Variants in LARGE2 observed in about 807,000 individuals in gnomAD.
The protein encoded by LARGE2 is LARGE xylosyl- and glucuronyltransferase 2, also known as xylosyl- and glucuronyltransferase LARGE2.
Under a neutral mutation model 75.3 loss-of-function variants are expected in LARGE2, and 63 were observed. The ratio of observed to expected loss-of-function variants is 0.84; its 90% confidence interval spans 0.68 to 1.03. The LOEUF (loss-of-function observed/expected upper bound fraction) is 1.03, where lower values mean the gene tolerates loss of function less well. Ranked by LOEUF, LARGE2 falls within the 50% of genes least tolerant of loss-of-function variation. The probability of loss-of-function intolerance (pLI) is 0.00; values close to 1 mark genes in which losing one functional copy is unlikely to be tolerated. For synonymous variants in LARGE2, 428 were observed against 420.1 expected (o/e 1.02, Z -0.23); for missense variants, 925 against 980.6 (o/e 0.94, Z 0.76).
chr11:45,928,279 C>A lies in LARGE2; in HGVS notation c.1857C>A (p.Tyr619Ter). ...AATGGGCGGCCAACTATGAACCCTACGTGGTGGTGCCACGAGACTGTCCCC... is the reference window on the plus strand; with the variant it reads ...AATGGGCGGCCAACTATGAACCCTAAGTGGTGGTGCCACGAGACTGTCCCC... ...RVQWAANYEP[Y>*]VVVPRDCPRY... Residue 619 changes from tyrosine (Y) to a stop codon, truncating the protein, a stop_gained, in exon 13 of 14, where the codon TAC becomes TAA. Transcript: ENST00000401752. LOFTEE classifies it high-confidence loss of function. 1 of 1,614,100 alleles carries A rather than the reference C, an allele frequency of 6.2e-7. No individual in the cohort carries two copies. The highest frequency in any genetic ancestry group is 1.1e-5 in the South Asian group (1 of 91,086).
In LARGE2 at chr11:45,926,521, T is replaced by C. The variant is rs1565094232; in HGVS notation, c.1088T>C (p.Phe363Ser). ...TTCTTCCGCAATTTCTACCTGACCT[T>C]CCTGGAGTACGATGGGAACCTGCTG... is the stretch of plus-strand genomic sequence containing the variant. ...VEFFRNFYLT[F>S]LEYDGNLLRR... Residue 363 changes from phenylalanine to serine, a missense_variant, in exon 9 of 14, where the codon TTC (phenylalanine) becomes TCC (serine). By Grantham distance (155) the Phe-to-Ser change is radical. Transcript: ENST00000401752. The C allele has an allele frequency of 3.7e-6, 6 of 1,614,114 alleles. No homozygotes were observed. Among genetic ancestry groups the C allele is most frequent in the Non-Finnish European group, 5.1e-6 (6 of 1,180,018 alleles).
At chr11:45,924,410 G>T in intron 4 of LARGE2, 96 bp from the exon 5 acceptor site, 3 of 1,561,726 alleles carry the variant, frequency 1.9e-6, no homozygotes, top group Non-Finnish European at 2.6e-6. Flanking sequence ...TCTCTTTTGG[G>T]GGTTTACCCC....
At position 45,925,604 on chromosome 11, in the gene LARGE2, C is replaced by T. The variant is rs186501425; in HGVS notation, c.770-435C>T. On this transcript the variant is annotated intron_variant, in intron 6 of 13. Coordinates refer to ENST00000401752, the MANE Select transcript of LARGE2 (RefSeq NM_001300721.2). Reference sequence around the variant, plus strand: ...CCAGGAAGCAGAGGTTGCAGTGAGCCGAGTTCACACCACTGTACTCCAGCC... The same window carrying T: ...CCAGGAAGCAGAGGTTGCAGTGAGCTGAGTTCACACCACTGTACTCCAGCC... 1.3e-5 allele frequency among the ~76,000 whole-genome samples: 2 copies of T among 152,092 alleles called. 1 individual carries two copies. Among genetic ancestry groups the T allele is most frequent in the East Asian group, 3.9e-4 (2 of 5,178 alleles).
chr11:45,926,967 T>C, intron 10 of LARGE2, 96 bp downstream of exon 10: 1 of 1,254,192 alleles, frequency 8.0e-7, no homozygotes, highest in Non-Finnish European at 1.1e-6. Context: ...GCTGTGGTAG[T>C]GAGCTACCTG....
At position 45,926,291 on chromosome 11, in the gene LARGE2, CA is replaced by C; in HGVS notation, c.953del (p.Gln318ArgfsTer20). 6.2e-7 allele frequency: 1 copy of C among 1,614,202 alleles called. No homozygotes were observed. The highest frequency in any genetic ancestry group is 8.5e-7 in the Non-Finnish European group (1 of 1,180,042). ...VQRLPCVWNVQLSDHTLAERC... is the reference protein window; with the variant it reads ...VQRLPCVWNVXLSDHTLAERC... ...GCGTCTGCCTTGTGTCTGGAATGTG[CA>C]GCTGTCAGATCACACACTGGCCGAG... On this transcript the variant is annotated frameshift_variant, in exon 8 of 14. Transcript: ENST00000401752. LOFTEE classifies it high-confidence loss of function.
Position 45,928,712 on chromosome 11 carries a change from C to CCAGCCCCACCTA in LARGE2, c.2034_2045dup (p.Ser679_Tyr682dup), listed in dbSNP as rs745971225. 1.5e-5 allele frequency: 25 copies of CCAGCCCCACCTA among 1,614,050 alleles called. 1 individual carries two copies. The South Asian group carries it at 2.7e-4, about 18-fold the overall frequency. On this transcript the variant is annotated inframe_insertion, in exon 14 of 14. Transcript: ENST00000401752. ...AGCCTGGACATCTCCCGCTTCCGCT[C>CCAGCCCCACCTA]CAGCCCCACCTATCGTGACTGCCTC...
upstream of LARGE2, chr11:45,921,766 A>G (rs1282758553): frequency 1.3e-5 from 2 of 152,208 alleles, no homozygotes; most frequent in Non-Finnish European, 2.9e-5. Flanking sequence ...AGCCTGGGGA[A>G]CGGAGTGGGG....
Position 45,922,964 on chromosome 11 carries a change from G to C in LARGE2, c.82G>C (p.Gly28Arg). Residue 28 changes from glycine to arginine, a missense_variant, in exon 2 of 14, where the codon GGT (glycine) becomes CGT (arginine). Physicochemically the swap from Gly to Arg is moderately radical, Grantham distance 125. Transcript: ENST00000401752. The part of the protein sequence containing the change: ...LLLLLGFLLF[G>R]GDLGCERREP... ...GCTGCTGCTCGGATTCCTCCTGTTC[G>C]GTGGGGACCTGGGGTGTGAGCGCCG... The C allele has an allele frequency of 7.6e-7, 1 of 1,313,286 alleles. No individual in the cohort carries two copies. The highest frequency in any genetic ancestry group is 2.2e-5 in the South Asian group (1 of 44,928). The allele number at this position is 1,313,286 out of a possible 1,614,324, so 81.4% of individuals were successfully genotyped here.
rs146766397 is a variant in LARGE2, at chr11:45,923,475, C to T, written c.288C>T (p.Leu96=). 1.9e-5 allele frequency: 31 copies of T among 1,613,506 alleles called. No individual in the cohort carries two copies. Among genetic ancestry groups the T allele is most frequent in the Non-Finnish European group, 2.6e-5 (31 of 1,179,966 alleles). ...PQPPPPPKCE[L]LHVAIVCAGH... is the part of the protein sequence containing the mutation. Reference sequence around the variant, plus strand: ...CCGACCTGGGCGTCCCTCCCCAGCTCTTGCATGTGGCCATCGTGTGTGCGG... The same window carrying T: ...CCGACCTGGGCGTCCCTCCCCAGCTTTTGCATGTGGCCATCGTGTGTGCGG... The change falls in exon 3 of 14, where the codon CTC becomes CTT. Residue 96 remains leucine, a splice_region_variant and synonymous_variant. Coordinates refer to ENST00000401752, the MANE Select transcript of LARGE2 (RefSeq NM_001300721.2).
chr11:45,923,381 C>G (rs1247426183), intron 2 of LARGE2, 92 bp from the exon 3 acceptor site: 10 of 1,329,534 alleles, frequency 7.5e-6, no homozygotes, highest in Middle Eastern at 2.5e-4. Flanking sequence ...CACACTGTTC[C>G]GGGCTCTGCT....
chr11:45,925,948 A>G (rs2087122586), intron 6 of LARGE2, 91 bp from the exon 7 acceptor site: 2 of 1,044,394 alleles, frequency 1.9e-6, no homozygotes, highest in African/African-American at 1.6e-5. Flanking sequence ...GAAAATACCA[A>G]TGTCAAAAAA....
Position 45,922,973 on chromosome 11 carries a change from C to T in LARGE2, c.91C>T (p.Leu31=), listed in dbSNP as rs1227411657. ...LLGFLLFGGD[L]GCERREPGGR... ...CGGATTCCTCCTGTTCGGTGGGGAC[C>T]TGGGGTGTGAGCGCCGCGAGCCTGG... is the stretch of plus-strand genomic sequence containing the variant. Residue 31 remains leucine (L), a synonymous_variant, in exon 2 of 14, where the codon CTG becomes TTG. Transcript: ENST00000401752. 3 of 1,328,020 alleles carry T rather than the reference C, an allele frequency of 2.3e-6. No individual in the cohort carries two copies. Among genetic ancestry groups the T allele is most frequent in the Non-Finnish European group, 2.9e-6 (3 of 1,045,330 alleles). The allele number at this position is 1,328,020 out of a possible 1,614,324, so 82.3% of individuals were successfully genotyped here.
chr11:45,923,960 T>G (rs2087030778), intron 3 of LARGE2, among the ~76,000 whole-genome samples, 194 bp from the exon 4 acceptor site: 1 of 115,148 alleles, frequency 8.7e-6, no homozygotes. Context: ...CACTCCAGCC[T>G]GGGCGACAGA....
At position 45,928,185 on chromosome 11, in the gene LARGE2, A is replaced by C. The variant is rs572017739; in HGVS notation, c.1763A>C (p.Glu588Ala). 2 of 1,613,570 alleles carry C rather than the reference A, an allele frequency of 1.2e-6. No homozygotes were observed. Among genetic ancestry groups the C allele is most frequent in the East Asian group, 4.5e-5 (2 of 44,880 alleles). Residue 588 changes from glutamate (E) to alanine (A), a missense_variant, in exon 13 of 14, where the codon GAG becomes GCG. Coordinates refer to ENST00000401752, the MANE Select transcript of LARGE2 (RefSeq NM_001300721.2). ...CCGACCCTGCTGCACAGGTACCACG[A>C]GTGGCCCCGAGGCCACGCACCCACA... ...AGTLYTFRYHEWPRGHAPTDY... is the reference protein window; with the variant it reads ...AGTLYTFRYHAWPRGHAPTDY...
At position 45,926,002 on chromosome 11, in the gene LARGE2, G is replaced by A. The variant is rs370577360; in HGVS notation, c.770-37G>A. On this transcript the variant is annotated intron_variant, in intron 6 of 13. Transcript: ENST00000401752. ...CCCCCATGTCCCCCAGGAGCTGGTCGTCCCAGGTGGGCATGACAGCATCTC... is the reference window on the plus strand; with the variant it reads ...CCCCCATGTCCCCCAGGAGCTGGTCATCCCAGGTGGGCATGACAGCATCTC... 5.2e-5 allele frequency: 80 copies of A among 1,526,428 alleles called. No homozygotes were observed. In the East Asian group the frequency reaches 5.9e-4, roughly 11 times the overall value. The allele number at this position is 1,526,428 out of a possible 1,614,324, so 94.6% of individuals were successfully genotyped here.
rs1421741060 is a variant in LARGE2, at chr11:45,928,666, A to G, written c.1987A>G (p.Ile663Val). Residue 663 changes from isoleucine to valine, a missense_variant, in exon 14 of 14, where the codon ATC (isoleucine) becomes GTC (valine). This residue lies in a region of LARGE2 where 469 missense variants were observed against 503.8 expected (regional missense o/e 0.93). Coordinates refer to ENST00000401752, the MANE Select transcript of LARGE2 (RefSeq NM_001300721.2). ...ELLVLPEAFT[I>V]HLPHAPSLDI... ...CCTGGTGCTGCCCGAGGCCTTCACCATCCATCTGCCCCACGCTCCAAGCCT... is the reference window on the plus strand; with the variant it reads ...CCTGGTGCTGCCCGAGGCCTTCACCGTCCATCTGCCCCACGCTCCAAGCCT... The G allele has an allele frequency of 1.9e-6, 3 of 1,613,882 alleles. No individual in the cohort carries two copies. The African/African-American group carries it at 4.0e-5, about 22-fold the overall frequency.
At chr11:45,922,027 G>A (rs1035763249), upstream of LARGE2, among the ~76,000 whole-genome samples, 2 of 152,086 alleles carry the variant, frequency 1.3e-5, no homozygotes, top group Non-Finnish European at 2.9e-5. Flanking sequence ...ACGACGATCT[G>A]GACAAGAGTG....
intron 11 of LARGE2, 102 bp from the exon 12 acceptor site, chr11:45,927,818 G>T: frequency 1.3e-6 from 2 of 1,560,988 alleles, no homozygotes; most frequent in Non-Finnish European, 1.8e-6. Flanking sequence ...AGGCAAGATG[G>T]CCCATGGTGG....
rs750731745 is a variant in LARGE2, at chr11:45,924,892, G to T, written c.769+3G>T. On this transcript the variant is annotated splice_donor_region_variant and intron_variant, in intron 6 of 13. Coordinates refer to ENST00000401752, the MANE Select transcript of LARGE2 (RefSeq NM_001300721.2). ...CTTGGGCCGGGGATTTAACACAGGT[G>T]GGGACAGTGGTGAGGGGAGGCAGGC... 1 of 1,454,128 alleles carries T rather than the reference G, an allele frequency of 6.9e-7. No homozygotes were observed. Among genetic ancestry groups the T allele is most frequent in the South Asian group, 1.5e-5 (1 of 68,000 alleles). The allele number at this position is 1,454,128 out of a possible 1,614,324, so 90.1% of individuals were successfully genotyped here.
Sources: allele counts gnomAD v4.1 joint callset (sites outside exome capture counted in the v4.1 genomes callset), GRCh38; gene constraint gnomAD v4.1.1; regional missense constraint gnomAD v4.1.1; transcripts MANE v1.5; gene names NCBI Gene and HGNC (gene_info 2026-07-23, HGNC 2026-07-21).